Variants in MGAT4C observed in about 807,000 individuals in gnomAD.
The protein encoded by MGAT4C is alpha-1,3-mannosyl-glycoprotein 4-beta-N-acetylglucosaminyltransferase C.
A neutral mutation model predicts 40.1 loss-of-function variants in MGAT4C; 19 were observed. That is an observed-to-expected ratio of 0.47 (90% confidence interval 0.33 to 0.70). MGAT4C has a LOEUF of 0.70. MGAT4C is among the 30% of genes least tolerant of loss of function. MGAT4C has a pLI of 0.02. For synonymous variants in MGAT4C, 181 were observed against 187.1 expected (o/e 0.97, Z 0.27); for missense variants, 491 against 563.2 (o/e 0.87, Z 1.30).
chr12:86,565,286 A>G (rs1342376975), intron 2 of MGAT4C, among the ~76,000 whole-genome samples: 1 of 152,150 alleles, frequency 6.6e-6, no homozygotes, highest in Admixed American at 6.6e-5. Context: ...TCAAATGCCC[A>G]TGGTCCCCAC....
intron 4 of MGAT4C, among the ~76,000 whole-genome samples, chr12:86,278,859 A>T (rs1295035419): frequency 6.6e-6 from 1 of 150,540 alleles, no homozygotes; most frequent in Non-Finnish European, 1.5e-5. Context: ...TTCTATACCC[A>T]GTTTTTGTAG....
chr12:86,219,756 G>A (rs1370952127), intron 1 of MGAT4C, among the ~76,000 whole-genome samples: 1 of 152,074 alleles, frequency 6.6e-6, no homozygotes, highest in Non-Finnish European at 1.5e-5. Flanking sequence ...CCAATTAATG[G>A]AAGTCAGATT....
At chr12:86,110,673 T>C (rs1877218299) in intron 1 of MGAT4C, among the ~76,000 whole-genome samples, 1 of 151,562 alleles carries the variant, frequency 6.6e-6, no homozygotes, top group Non-Finnish European at 1.5e-5. Flanking sequence ...AAAGTATGTA[T>C]TTGTGTTTTT....
intron 2 of MGAT4C, among the ~76,000 whole-genome samples, chr12:86,643,452 AT>A (rs1167678946): frequency 1.3e-5 from 2 of 151,898 alleles, no homozygotes; most frequent in Non-Finnish European, 2.9e-5. Context: ...ATATTCATTA[AT>A]TGATACACAA....
intron 2 of MGAT4C, among the ~76,000 whole-genome samples, chr12:86,440,828 A>G (rs1378136118): frequency 6.6e-6 from 1 of 152,100 alleles, no homozygotes; most frequent in Non-Finnish European, 1.5e-5. Context: ...CTATATGCCA[A>G]TAACAACCAA....
At chr12:86,045,422 C>T (rs1892303176) in intron 2 of MGAT4C, among the ~76,000 whole-genome samples, 1 of 152,134 alleles carries the variant, frequency 6.6e-6, no homozygotes. Flanking sequence ...TGACTCTAGA[C>T]ATTTGAGGAA....
At chr12:86,635,453 T>A (rs1370796346) in intron 2 of MGAT4C, among the ~76,000 whole-genome samples, 12 of 152,066 alleles carry the variant, frequency 7.9e-5, no homozygotes, top group Admixed American at 7.9e-4. Context: ...TTAGCAGATA[T>A]TAATGTAGGC....
At chr12:86,094,360 A>G (rs1216264207) in intron 1 of MGAT4C, among the ~76,000 whole-genome samples, 1 of 152,188 alleles carries the variant, frequency 6.6e-6, no homozygotes, top group East Asian at 1.9e-4. Flanking sequence ...ATGGGTGGAA[A>G]GGAAGTTGTC....
intron 2 of MGAT4C, among the ~76,000 whole-genome samples, chr12:86,028,902 T>C (rs1890485432): frequency 6.6e-6 from 1 of 152,004 alleles, no homozygotes; most frequent in African/African-American, 2.4e-5. Context: ...ATTTTCACTG[T>C]ACATGTAATT....
At chr12:86,665,845 T>C (rs996215557) in intron 2 of MGAT4C, among the ~76,000 whole-genome samples, 1 of 152,160 alleles carries the variant, frequency 6.6e-6, no homozygotes, top group African/African-American at 2.4e-5. Context: ...GATGACTAAT[T>C]ATACTGCCTA....
At chr12:86,699,876 C>T (rs963872558) in intron 2 of MGAT4C, among the ~76,000 whole-genome samples, 7 of 151,848 alleles carry the variant, frequency 4.6e-5, no homozygotes, top group African/African-American at 1.7e-4. Context: ...AAAAAGAGGT[C>T]TTGCTGTGTC....
At chr12:86,041,534 G>T (rs1891844879) in intron 2 of MGAT4C, among the ~76,000 whole-genome samples, 1 of 152,054 alleles carries the variant, frequency 6.6e-6, no homozygotes, top group African/African-American at 2.4e-5. Context: ...GTTCTCATAA[G>T]TTTCAAAGAA....
intron 1 of MGAT4C, among the ~76,000 whole-genome samples, chr12:86,080,594 C>A (rs1386654268): frequency 6.6e-6 from 1 of 152,184 alleles, no homozygotes; most frequent in Non-Finnish European, 1.5e-5. Context: ...TGTGCACACA[C>A]ACACATGCAC....
At chr12:86,149,463 C>G (rs1005672707) in intron 1 of MGAT4C, among the ~76,000 whole-genome samples, 1 of 152,136 alleles carries the variant, frequency 6.6e-6, no homozygotes, top group African/African-American at 2.4e-5. Flanking sequence ...TCTTGTGTCA[C>G]TTCTTTTTGA....
In MGAT4C at chr12:86,712,867, C is replaced by T. The variant is rs150352767; in HGVS notation, c.-229+14342G>A. ...TATTTTTCCACCACCCAATACCTAT[C>T]GATTTATAACATTAAGCCAGAAAAC... On this transcript the variant is annotated intron_variant, in intron 2 of 7. Transcript: ENST00000548651. 8.6e-3 allele frequency among the ~76,000 whole-genome samples: 1,307 copies of T among 152,134 alleles called. 7 individuals carry two copies. The highest frequency in any genetic ancestry group is 0.017 in the Middle Eastern group (5 of 294).
intron 4 of MGAT4C, among the ~76,000 whole-genome samples, chr12:86,303,396 T>C (rs1953860009): frequency 6.6e-6 from 1 of 150,530 alleles, no homozygotes; most frequent in Admixed American, 6.6e-5. Context: ...GACCATTAGC[T>C]GCATTGTCCC....
Position 86,009,056 on chromosome 12 carries a change from G to A in MGAT4C, c.-6-19504C>T, listed in dbSNP as rs143224848. ...ATTTTCTTTTTTATTTTCCAATATT[G>A]TTGTCAGCTTTTGCTATTGGAGTGC... On this transcript the variant is annotated intron_variant, in intron 2 of 4. Transcript: ENST00000611864. Among the ~76,000 whole-genome samples, 5 of 151,696 alleles carry A rather than the reference G, an allele frequency of 3.3e-5. No homozygotes were observed. In the South Asian group the frequency reaches 6.2e-4, roughly 19 times the overall value.
Position 86,768,941 on chromosome 12 carries a change from G to T in MGAT4C, c.-261-41700C>A, listed in dbSNP as rs1171552805. Among the ~76,000 whole-genome samples the T allele has an allele frequency of 1.7e-3, 263 of 151,818 alleles. 2 individuals carry two copies. Among genetic ancestry groups the T allele is most frequent in the Admixed American group, 0.015 (231 of 15,082 alleles). ...TAGAAGAAAACCTAGGCATTACCAT[G>T]CAGGACATAGGCATGGGCAAGGACT... On this transcript the variant is annotated intron_variant, in intron 1 of 7. Transcript: ENST00000548651.
At chr12:86,349,559 G>C (rs912817711) in intron 3 of MGAT4C, among the ~76,000 whole-genome samples, 1 of 151,868 alleles carries the variant, frequency 6.6e-6, no homozygotes, top group African/African-American at 2.4e-5. Context: ...TCTTTTCTTT[G>C]TACCATCTAG....
Sources: gnomAD v4.1 joint callset for allele counts (sites outside exome capture counted in the v4.1 genomes callset) on GRCh38, gnomAD v4.1.1 for gene constraint, MANE v1.5 for transcripts, NCBI Gene and HGNC (gene_info 2026-07-23, HGNC 2026-07-21) for gene names.